SLC22A23: variants seen among roughly 807,000 people sequenced by gnomAD.
The protein encoded by SLC22A23 is solute carrier family 22 member 23, also known as ion transporter protein.
In SLC22A23, 26 loss-of-function variants were observed where a neutral mutation model predicts 61.0. The ratio of observed to expected loss-of-function variants is 0.43; its 90% CI spans 0.31 to 0.59. The LOEUF is 0.59. Among genes scored for constraint, SLC22A23 ranks in the 20% least tolerant of loss-of-function variants. The probability of loss-of-function intolerance (pLI) is 0.11; values close to 1 mark genes in which losing one functional copy is unlikely to be tolerated. For missense variants in SLC22A23, 796 were observed against 934.7 expected, an observed-to-expected ratio of 0.85 and a Z score of 1.94; for synonymous variants, 430 against 413.9, an observed-to-expected ratio of 1.04 and a Z score of -0.47.
In SLC22A23 at chr6:3,328,161, T is replaced by G. The variant is rs565229276; in HGVS notation, c.914-4159A>C. Among the ~76,000 whole-genome samples the G allele has an allele frequency of 2.0e-5, 3 of 151,304 alleles. No homozygotes were observed. The highest frequency in any genetic ancestry group is 4.4e-5 in the Non-Finnish European group (3 of 67,900). Reference sequence around the variant, plus strand: ...ATGCTTACAAGCTACTCTTGGCAACTAGATATACTTTGTCGATAAGCAGAG... The same window carrying G: ...ATGCTTACAAGCTACTCTTGGCAACGAGATATACTTTGTCGATAAGCAGAG... On this transcript the variant is annotated intron_variant, in intron 3 of 9. Coordinates refer to ENST00000406686, the MANE Select transcript of SLC22A23 (RefSeq NM_015482.2). The surrounding 1 kb of genome is among the most constrained non-coding windows in gnomAD (Gnocchi z 5.0).
chr6:3,283,517 G>C, intron 9 of SLC22A23: 2 of 349,318 alleles, frequency 5.7e-6, no homozygotes, highest in East Asian at 1.4e-4. Context: ...AGAGTTGGCA[G>C]CACAGGTTCT....
At chr6:3,434,847 C>T (rs1771103546) in intron 1 of SLC22A23, among the ~76,000 whole-genome samples, 1 of 152,178 alleles carries the variant, frequency 6.6e-6, no homozygotes, top group African/African-American at 2.4e-5. Flanking sequence ...AAATAGATCT[C>T]TAGGCCAAGA....
At position 3,387,606 on chromosome 6, in the gene SLC22A23, C is replaced by T. The variant is rs1767393073; in HGVS notation, c.913+22582G>A. Among the ~76,000 whole-genome samples the T allele has an allele frequency of 6.6e-6, 1 of 152,162 alleles. No individual in the cohort carries two copies. Among genetic ancestry groups the T allele is most frequent in the Non-Finnish European group, 1.5e-5 (1 of 68,030 alleles). The stretch of plus-strand genomic sequence containing the variant: ...CGTTTCTCAGCTCTGGGGACCGTAG[C>T]GTGGTTATGTGAGTTCACGTTAGCG... On this transcript the variant is annotated intron_variant, in intron 3 of 9. Transcript: ENST00000406686. The surrounding 1 kb of genome is among the most constrained non-coding windows in gnomAD (Gnocchi z 5.0).
intron 1 of SLC22A23, 85 bp from the exon 2 acceptor site, chr6:3,415,940 C>CTTATAAT: frequency 1.0e-6 from 1 of 952,812 alleles, no homozygotes; most frequent in Non-Finnish European, 1.6e-6. Context: ...TACAATAACC[C>CTTATAAT]TGCAGGGACC....
chr6:3,323,431 GAT>G (rs1763083086), intron 4 of SLC22A23: 1 of 429,746 alleles, frequency 2.3e-6, no homozygotes, highest in Non-Finnish European at 4.6e-6. Context: ...GCCTAGAAGA[GAT>G]AGGGGGACTT....
chr6:3,291,536 G>C (rs764228016), intron 5 of SLC22A23: 1 of 152,196 alleles, frequency 6.6e-6, no homozygotes, highest in Non-Finnish European at 1.5e-5. Context: ...CAAAGATTGA[G>C]GTCTGTGTGT....
intron 5 of SLC22A23, among the ~76,000 whole-genome samples, chr6:3,295,463 AAGGCACTGGG>A (rs1293983944): frequency 2.6e-5 from 4 of 152,120 alleles, no homozygotes; most frequent in Non-Finnish European, 5.9e-5. Flanking sequence ...GTCTACCCGA[AAGGCACTGGG>A]AGGCACTGGA....
At chr6:3,285,802 C>T (rs1759939802) in intron 7 of SLC22A23, among the ~76,000 whole-genome samples, 1 of 152,218 alleles carries the variant, frequency 6.6e-6, no homozygotes, top group Non-Finnish European at 1.5e-5. Context: ...CAAGGCCGCT[C>T]TGATCTGGGT....
In SLC22A23 at chr6:3,372,518, G is replaced by A. The variant is rs1215421847; in HGVS notation, c.913+37670C>T. ...TGTCTTGTGTGGAAGGAACACATGT[G>A]GGCTGTGGAGTTCAGGGGCCAGACA... On this transcript the variant is annotated intron_variant, in intron 3 of 9. Transcript: ENST00000406686. The surrounding 1 kb of genome is among the most constrained non-coding windows in gnomAD (Gnocchi z 4.7). 1.3e-5 allele frequency among the ~76,000 whole-genome samples: 2 copies of A among 152,190 alleles called. No homozygotes were observed. Among genetic ancestry groups the A allele is most frequent in the Admixed American group, 1.3e-4 (2 of 15,284 alleles).
At chr6:3,362,977 C>T (rs1433394015) in intron 3 of SLC22A23, among the ~76,000 whole-genome samples, 1 of 152,128 alleles carries the variant, frequency 6.6e-6, no homozygotes, top group African/African-American at 2.4e-5. Context: ...AAACTCTGGA[C>T]TGCTCAGAGC....
rs1188880884 is a variant in SLC22A23, at chr6:3,324,791, A to G, written c.914-789T>C. Among the ~76,000 whole-genome samples, 1 of 152,232 alleles carries G rather than the reference A, an allele frequency of 6.6e-6. No individual in the cohort carries two copies. The highest frequency in any genetic ancestry group is 2.4e-5 in the African/African-American group (1 of 41,460). ...TCATCTTTGTAGCTCCAAAACCAAA[A>G]ACAGTGTCTATTTTCAACAAATGAC... On this transcript the variant is annotated intron_variant, in intron 3 of 9. Coordinates refer to ENST00000406686, the MANE Select transcript of SLC22A23 (RefSeq NM_015482.2). This position sits in a 1 kb window ranked among gnomAD's most constrained non-coding sequence, Gnocchi z 4.3.
At chr6:3,331,138 A>T (rs9503541) in intron 3 of SLC22A23, among the ~76,000 whole-genome samples, 2 of 152,052 alleles carry the variant, frequency 1.3e-5, no homozygotes, top group African/African-American at 4.8e-5. Flanking sequence ...TGATTAAGGG[A>T]CTGGTCCAAG....
intron 3 of SLC22A23, among the ~76,000 whole-genome samples, chr6:3,384,713 T>C (rs1767176818): frequency 6.6e-6 from 1 of 152,148 alleles, no homozygotes; most frequent in African/African-American, 2.4e-5. Context: ...ATTTTAAAAG[T>C]CCCCCAAATC....
rs1762256202 is a variant in SLC22A23 at position 3,309,963 on chromosome 6, T to A, written c.1083-11745A>T. ...CCTAAACCTGTGGAGTTTTCCTACA[T>A]CACACCATGATTGCAGTATTGCTTC... On this transcript the variant is annotated intron_variant, in intron 4 of 9. Transcript: ENST00000406686. This position sits in a 1 kb window ranked among gnomAD's most constrained non-coding sequence, Gnocchi z 4.7. 6.6e-6 allele frequency among the ~76,000 whole-genome samples: 1 copy of A among 152,152 alleles called. No individual in the cohort carries two copies. Among genetic ancestry groups the A allele is most frequent in the Non-Finnish European group, 1.5e-5 (1 of 68,020 alleles).
chr6:3,449,032 C>T (rs1275444166), intron 1 of SLC22A23, among the ~76,000 whole-genome samples: 5 of 152,200 alleles, frequency 3.3e-5, no homozygotes, highest in Non-Finnish European at 5.9e-5. Flanking sequence ...GCTGGCTAGC[C>T]TCTAATCCTT....
chr6:3,362,444 AGCATG>A (rs1209772620), intron 3 of SLC22A23, among the ~76,000 whole-genome samples: 2 of 137,938 alleles, frequency 1.4e-5, no homozygotes, highest in African/African-American at 6.3e-5. Flanking sequence ...AATAAAAATT[AGCATG>A]CATTTTCATC....
At chr6:3,426,206 A>T (rs1770476782) in intron 1 of SLC22A23, among the ~76,000 whole-genome samples, 1 of 152,254 alleles carries the variant, frequency 6.6e-6, no homozygotes, top group African/African-American at 2.4e-5. Flanking sequence ...TATTTTAAAA[A>T]CAAAGAAACT....
At position 3,327,567 on chromosome 6, in the gene SLC22A23, A is replaced by G. The variant is rs1763353245; in HGVS notation, c.914-3565T>C. On this transcript the variant is annotated intron_variant, in intron 3 of 9. Coordinates refer to ENST00000406686, the MANE Select transcript of SLC22A23 (RefSeq NM_015482.2). This position sits in a 1 kb window ranked among gnomAD's most constrained non-coding sequence, Gnocchi z 4.1. ...TCCGTAGCTAGAGTGCCCAAGTTCA[A>G]ATCCTGCTCCTGGTACATAGAAGCT... Among the ~76,000 whole-genome samples, 1 of 152,214 alleles carries G rather than the reference A, an allele frequency of 6.6e-6. No individual in the cohort carries two copies. The highest frequency in any genetic ancestry group is 6.5e-5 in the Admixed American group (1 of 15,286).
At chr6:3,392,622 G>T (rs1300939082) in intron 3 of SLC22A23, among the ~76,000 whole-genome samples, 2 of 152,184 alleles carry the variant, frequency 1.3e-5, no homozygotes, top group African/African-American at 4.8e-5. Flanking sequence ...GAGAAATTGA[G>T]GGACTCAGAA....
Sources: allele counts gnomAD v4.1 joint callset (sites outside exome capture counted in the v4.1 genomes callset), GRCh38; gene constraint gnomAD v4.1.1; non-coding constraint Gnocchi (gnomAD v3.1); transcripts MANE v1.5; gene names NCBI Gene and HGNC (gene_info 2026-07-23, HGNC 2026-07-21).